Variants in ZIM2 observed in about 807,000 individuals in gnomAD.
ZIM2 encodes zinc finger imprinted 2.
In ZIM2, 14 loss-of-function variants were observed where a neutral mutation model predicts 38.6. That is an observed-to-expected ratio of 0.36 (90% confidence interval 0.24 to 0.57). The LOEUF (loss-of-function observed/expected upper bound fraction) is 0.57. Among genes scored for constraint, ZIM2 ranks in the 20% least tolerant of loss-of-function variants. The pLI is 0.81. For synonymous variants in ZIM2, 247 were observed against 245.8 expected, an observed-to-expected ratio of 1.00 and a Z score of -0.04; for missense variants, 680 against 695.1, an observed-to-expected ratio of 0.98 and a Z score of 0.24.
At chr19:56,832,814 C>T (rs879218647) in intron 2 of ZIM2, among the ~76,000 whole-genome samples, 1 of 152,210 alleles carries the variant, frequency 6.6e-6, no homozygotes, top group African/African-American at 2.4e-5. Context: ...TGAAACCTCT[C>T]TGTATACAGA....
chr19:56,812,201 G>A, intron 9 of ZIM2: 1 of 981,666 alleles, frequency 1.0e-6, no homozygotes, highest in Non-Finnish European at 1.2e-6. Context: ...TTATGCGAGG[G>A]GAGGGGAAGC....
chr19:56,806,729 C>T (rs923092340), intron 9 of ZIM2, among the ~76,000 whole-genome samples: 1 of 152,052 alleles, frequency 6.6e-6, no homozygotes, highest in Non-Finnish European at 1.5e-5. Flanking sequence ...AGAGGTGGGG[C>T]CTTTAGGAGG....
chr19:56,816,011 C>T (rs779401135), intron 9 of ZIM2: 11 of 1,589,154 alleles, frequency 6.9e-6, no homozygotes, highest in Admixed American at 3.5e-5. Context: ...TTGATAGCAT[C>T]GAAGCTCTGA....
At chr19:56,795,339 C>G (rs1412339697) in intron 9 of ZIM2, among the ~76,000 whole-genome samples, 1 of 152,222 alleles carries the variant, frequency 6.6e-6, no homozygotes, top group Admixed American at 6.5e-5. Flanking sequence ...CCTCACGAAG[C>G]CGCGCGCTGC....
intron 9 of ZIM2, chr19:56,815,602 T>C (rs35851866): frequency 0.029 from 47,206 of 1,614,112 alleles, 801 homozygotes; most frequent in Non-Finnish European, 0.034. Flanking sequence ...AGAGGTCTCA[T>C]TGCTCCTATG....
At chr19:56,827,665 C>T (rs937994892) in intron 2 of ZIM2, among the ~76,000 whole-genome samples, 9 of 152,134 alleles carry the variant, frequency 5.9e-5, no homozygotes, top group South Asian at 2.1e-4. Context: ...TATGTAATGA[C>T]CTATGTGCAA....
chr19:56,791,253 A>G (rs1306900974), intron 9 of ZIM2: 1 of 152,216 alleles, frequency 6.6e-6, no homozygotes, highest in Non-Finnish European at 1.5e-5. Flanking sequence ...TTGTGGAACC[A>G]TGGTCAAGTT....
Position 56,779,437 on chromosome 19 carries a change from G to A in ZIM2, c.775C>T (p.Leu259=), listed in dbSNP as rs1236399329. Residue 259 remains leucine (L), a synonymous_variant, in exon 12 of 13, where the codon CTG becomes TTG. Coordinates refer to ENST00000629319, the MANE Select transcript of ZIM2 (RefSeq NM_001387356.1). ...QFSKPDIISR[L]EEEESYAMET... is the part of the protein sequence containing the mutation. ...ATTGCATATGATTCCTCCTCTTCCA[G>A]GCGTGAGATAATGTCAGGTTTAGAG... is the stretch of plus-strand genomic sequence containing the variant. The A allele has an allele frequency of 6.2e-7, 1 of 1,613,892 alleles. No individual in the cohort carries two copies. Among genetic ancestry groups the A allele is most frequent in the East Asian group, 2.2e-5 (1 of 44,864 alleles).
intron 6 of ZIM2, 51 bp from the exon 7 acceptor site, chr19:56,821,805 G>A (rs760159588): frequency 2.0e-5 from 32 of 1,602,236 alleles, no homozygotes; most frequent in Non-Finnish European, 2.5e-5. Flanking sequence ...CCATCCTGCA[G>A]GTCCCAGGTT....
chr19:56,779,170 G>T (rs2046187648), intron 12 of ZIM2, among the ~76,000 whole-genome samples: 2 of 152,120 alleles, frequency 1.3e-5, no homozygotes, highest in Non-Finnish European at 2.9e-5. Context: ...ACACGAGGGT[G>T]AAAGGACACT....
chr19:56,838,954 C>T (rs185515477), intron 1 of ZIM2, among the ~76,000 whole-genome samples: 4 of 152,286 alleles, frequency 2.6e-5, no homozygotes, highest in Admixed American at 2.0e-4. Flanking sequence ...CCGCCCATGC[C>T]ACCTGCAGCC....
At chr19:56,821,381 T>C (rs954545207) in intron 7 of ZIM2, among the ~76,000 whole-genome samples, 10 of 152,110 alleles carry the variant, frequency 6.6e-5, no homozygotes, top group African/African-American at 1.2e-4. Flanking sequence ...CCTGGCCCTG[T>C]AGGGAACGGC....
chr19:56,813,554 A>C (rs2059687455), intron 9 of ZIM2: 1 of 1,449,554 alleles, frequency 6.9e-7, no homozygotes, highest in African/African-American at 1.4e-5. Flanking sequence ...ATGTTAAGTC[A>C]GGTGTGTAAC....
chr19:56,811,948 T>C, intron 9 of ZIM2: 2 of 985,388 alleles, frequency 2.0e-6, no homozygotes, highest in South Asian at 9.4e-5. Flanking sequence ...TTCTGCTTCT[T>C]GCTCTCAGCT....
chr19:56,815,057 G>A (rs779432527), intron 9 of ZIM2: 2 of 1,613,994 alleles, frequency 1.2e-6, no homozygotes, highest in African/African-American at 2.7e-5. Flanking sequence ...TTCCTGCTGT[G>A]GACTTTCTGA....
rs141092213 is a variant in ZIM2, at chr19:56,815,132, C to T, written c.490+2614G>A. The T allele has an allele frequency of 1.5e-3, 2,448 of 1,613,874 alleles. 4 individuals carry two copies. The highest frequency in any genetic ancestry group is 3.7e-3 in the Admixed American group (225 of 60,006). On this transcript the variant is annotated intron_variant, in intron 9 of 12. Coordinates refer to ENST00000629319, the MANE Select transcript of ZIM2 (RefSeq NM_001387356.1). ...CAGTCCTCACATTCATAGATTTTGT[C>T]ATCAGGGTCATCCTTCTGAGGGTCT...
intron 2 of ZIM2, chr19:56,833,498 G>C (rs964531866): frequency 3.8e-6 from 1 of 264,928 alleles, no homozygotes; most frequent in African/African-American, 2.2e-5. Flanking sequence ...TCACCTCCCA[G>C]TTTAAATGCC....
intron 1 of ZIM2, among the ~76,000 whole-genome samples, chr19:56,840,096 AT>A (rs1271732483): frequency 6.6e-6 from 1 of 152,144 alleles, no homozygotes; most frequent in Non-Finnish European, 1.5e-5. Flanking sequence ...AGGAAGGGGC[AT>A]TTTCGCAGCC....
Position 56,815,412 on chromosome 19 carries a change from C to T in ZIM2, c.490+2334G>A, listed in dbSNP as rs781202572. On this transcript the variant is annotated intron_variant, in intron 9 of 12. Coordinates refer to ENST00000629319, the MANE Select transcript of ZIM2 (RefSeq NM_001387356.1). ...AACTTGTTTGAGGGTCAGTAGGGGC[C>T]AAGCTGCGAATGACAGACCATTCAT... 10 of 1,614,124 alleles carry T rather than the reference C, an allele frequency of 6.2e-6. 1 individual carries two copies. In the South Asian group the frequency reaches 7.7e-5, roughly 12 times the overall value.
Sources: allele counts gnomAD v4.1 joint callset (sites outside exome capture counted in the v4.1 genomes callset), GRCh38; gene constraint gnomAD v4.1.1; transcripts MANE v1.5; gene names NCBI Gene and HGNC (gene_info 2026-07-23, HGNC 2026-07-21).